The following APBB2 variants were observed in gnomAD, a reference collection of about 807,000 sequenced individuals.
The protein encoded by APBB2 is Fe65-like 1.
Under a neutral mutation model 82.5 loss-of-function variants are expected in APBB2, and 38 were observed. The ratio of observed to expected loss-of-function variants is 0.46; its 90% confidence interval spans 0.36 to 0.60. The LOEUF is 0.60. Among genes scored for constraint, APBB2 ranks in the 20% least tolerant of loss-of-function variants. The pLI, the probability that APBB2 is intolerant of heterozygous loss-of-function variation, is 0.00. For synonymous variants in APBB2, 341 were observed against 368.2 expected, an observed-to-expected ratio of 0.93 and a Z score of 0.85; for missense variants, 772 against 972.3, an observed-to-expected ratio of 0.79 and a Z score of 2.74.
intron 1 of APBB2, among the ~76,000 whole-genome samples, chr4:41,167,962 C>A (rs1767126558): frequency 6.6e-6 from 1 of 152,218 alleles, no homozygotes; most frequent in African/African-American, 2.4e-5. Flanking sequence ...TGACAATGAG[C>A]ATGTTTAGAA....
At chr4:41,067,539 T>C (rs573443237) in intron 3 of APBB2, among the ~76,000 whole-genome samples, 1 of 151,758 alleles carries the variant, frequency 6.6e-6, no homozygotes, top group South Asian at 2.1e-4. Context: ...GATTACAACA[T>C]AGAAAGGAGC....
chr4:41,059,556 G>A (rs143115902), intron 4 of APBB2, among the ~76,000 whole-genome samples: 3,202 of 152,360 alleles, frequency 0.021, 101 homozygotes, highest in African/African-American at 0.073. Context: ...GCCCAGGGCG[G>A]AAAACCGCTT....
chr4:40,855,573 C>T (rs879929118), intron 12 of APBB2, among the ~76,000 whole-genome samples: 6 of 151,702 alleles, frequency 4.0e-5, no homozygotes, highest in Admixed American at 2.6e-4. Context: ...CGTCTCTACT[C>T]AAAAAAACAG....
chr4:41,149,673 C>A (rs1012281261), intron 1 of APBB2, among the ~76,000 whole-genome samples: 2 of 152,122 alleles, frequency 1.3e-5, no homozygotes, highest in African/African-American at 2.4e-5. Context: ...TGGGGTAATA[C>A]GATTTGACTG....
chr4:41,084,925 ATTTG>A (rs1299564590), intron 3 of APBB2, among the ~76,000 whole-genome samples: 2 of 152,120 alleles, frequency 1.3e-5, no homozygotes, highest in Non-Finnish European at 2.9e-5. Context: ...TCATTAAATG[ATTTG>A]TTTGAGTGGC....
At chr4:41,083,400 T>C (rs1738399519) in intron 3 of APBB2, among the ~76,000 whole-genome samples, 1 of 151,706 alleles carries the variant, frequency 6.6e-6, no homozygotes, top group Non-Finnish European at 1.5e-5. Context: ...TCTAAAACTG[T>C]TACATTGTGG....
chr4:40,810,263 C>CAT lies in APBB2; in HGVS notation c.*5827_*5828dup, dbSNP rs1744148732. ...TTATTTTTATTTTAGCTTAGATTTA[C>CAT]ATTTATCAGTAAAACGTGTCAGTGG... On this transcript the variant is annotated 3_prime_UTR_variant, in exon 18 of 18. Transcript: ENST00000508593. The CAT allele has an allele frequency of 1.3e-5, 2 of 152,008 alleles. No homozygotes were observed. Among genetic ancestry groups the CAT allele is most frequent in the African/African-American group, 4.8e-5 (2 of 41,376 alleles). The allele number at this position is 152,008 out of a possible 1,614,324, so 9.4% of individuals were successfully genotyped here.
chr4:41,188,481 C>T (rs2154068858), intron 1 of APBB2, among the ~76,000 whole-genome samples: 1 of 152,190 alleles, frequency 6.6e-6, no homozygotes, highest in South Asian at 2.1e-4. Context: ...GATTTGTGCC[C>T]TTATAAAAGA....
intron 12 of APBB2, among the ~76,000 whole-genome samples, chr4:40,853,898 G>A (rs1760298680): frequency 6.6e-6 from 1 of 152,130 alleles, no homozygotes; most frequent in Admixed American, 6.6e-5. Flanking sequence ...TCACGCTGTT[G>A]ATGGTCTTCA....
At chr4:41,106,068 T>C (rs1466702262) in intron 2 of APBB2, among the ~76,000 whole-genome samples, 6 of 152,278 alleles carry the variant, frequency 3.9e-5, no homozygotes, top group African/African-American at 9.6e-5. Context: ...TTAGGAACTC[T>C]TGGCATGGAA....
intron 6 of APBB2, among the ~76,000 whole-genome samples, chr4:40,995,575 A>C (rs1803409759): frequency 6.7e-6 from 1 of 149,696 alleles, no homozygotes; most frequent in Non-Finnish European, 1.5e-5. Context: ...AAACAGACTC[A>C]CTTTGTTGCC....
chr4:41,187,223 G>A (rs1027843941), intron 1 of APBB2, among the ~76,000 whole-genome samples: 15 of 152,138 alleles, frequency 9.9e-5, no homozygotes, highest in Admixed American at 2.6e-4. Flanking sequence ...ATATTAAAAT[G>A]TAACACCTAT....
In APBB2 at chr4:41,088,553, C is replaced by G. The variant is rs561520802; in HGVS notation, c.-149+12086G>C. On this transcript the variant is annotated intron_variant, in intron 3 of 17. Coordinates refer to ENST00000508593, the MANE Select transcript of APBB2 (RefSeq NM_004307.2). ...TCCTGAGATAAGAAATGGAAACTAG[C>G]AAGGAAAGACTTGGGAGAAGGAAGG... Among the ~76,000 whole-genome samples the G allele has an allele frequency of 3.9e-5, 6 of 152,194 alleles. No individual in the cohort carries two copies. The South Asian group carries it at 1.0e-3, about 26-fold the overall frequency.
chr4:40,936,935 C>T (rs970151710), intron 7 of APBB2, among the ~76,000 whole-genome samples: 1 of 152,132 alleles, frequency 6.6e-6, no homozygotes, highest in African/African-American at 2.4e-5. Flanking sequence ...GAAAGATGCC[C>T]AATTTTTCTC....
intron 5 of APBB2, among the ~76,000 whole-genome samples, chr4:41,024,483 A>T (rs926509227): frequency 6.6e-6 from 1 of 152,238 alleles, no homozygotes; most frequent in Non-Finnish European, 1.5e-5. Flanking sequence ...GAACGAAAGA[A>T]AAATAAAATT....
chr4:41,191,674 G>T (rs1445113641), intron 1 of APBB2, among the ~76,000 whole-genome samples: 1 of 152,140 alleles, frequency 6.6e-6, no homozygotes, highest in Non-Finnish European at 1.5e-5. Context: ...ACTCCCAGAA[G>T]AGAACATAAG....
At chr4:40,949,199 G>A (rs1374010330) in intron 6 of APBB2, among the ~76,000 whole-genome samples, 2 of 152,114 alleles carry the variant, frequency 1.3e-5, no homozygotes, top group Non-Finnish European at 2.9e-5. Flanking sequence ...AACCCGGGAG[G>A]TGGAGGTTGC....
At chr4:41,174,166 T>C (rs1416722335) in intron 1 of APBB2, among the ~76,000 whole-genome samples, 1 of 152,128 alleles carries the variant, frequency 6.6e-6, no homozygotes, top group Non-Finnish European at 1.5e-5. Context: ...GCCCAGGCAA[T>C]ATACTCAGGC....
intron 13 of APBB2, among the ~76,000 whole-genome samples, chr4:40,828,881 CT>C (rs916646874): frequency 2.6e-5 from 4 of 151,792 alleles, no homozygotes; most frequent in African/African-American, 9.7e-5. Flanking sequence ...CTCCCTGCCC[CT>C]GTCCCTCCCT....
Sources: gnomAD v4.1 joint callset for allele counts (sites outside exome capture counted in the v4.1 genomes callset) on GRCh38, gnomAD v4.1.1 for gene constraint, MANE v1.5 for transcripts, NCBI Gene and HGNC (gene_info 2026-07-23, HGNC 2026-07-21) for gene names.